Variants in SYT1 observed in about 807,000 individuals in gnomAD.
SYT1 encodes the protein synaptotagmin 1, also known as synaptotagmin-1.
In SYT1, 8 loss-of-function variants were observed where a neutral mutation model predicts 44.8. The ratio of observed to expected loss-of-function variants is 0.18; its 90% CI spans 0.10 to 0.32. The LOEUF (loss-of-function observed/expected upper bound fraction) is 0.32. SYT1 is among the 10% of genes least tolerant of loss of function. The probability of loss-of-function intolerance (pLI) is 1.00; values close to 1 mark genes in which losing one functional copy is unlikely to be tolerated. For synonymous variants in SYT1, 154 were observed against 188.8 expected (o/e 0.82, Z 1.51); for missense variants, 286 against 509.3 (o/e 0.56, Z 4.22).
intron 4 of SYT1, among the ~76,000 whole-genome samples, chr12:79,263,015 A>G (rs1286368262): frequency 1.3e-5 from 2 of 152,220 alleles, no homozygotes; most frequent in Non-Finnish European, 2.9e-5. Flanking sequence ...AACTGAAGTT[A>G]TATTAGCATA....
At chr12:79,265,765 T>G (rs948633652) in intron 4 of SYT1, among the ~76,000 whole-genome samples, 1 of 152,188 alleles carries the variant, frequency 6.6e-6, no homozygotes, top group East Asian at 1.9e-4. Flanking sequence ...TGTGAAAGGG[T>G]CTCAGAAAGT....
At chr12:79,157,678 C>T (rs868356684) in intron 3 of SYT1, among the ~76,000 whole-genome samples, 1 of 152,128 alleles carries the variant, frequency 6.6e-6, no homozygotes, top group African/African-American at 2.4e-5. Context: ...AGGATATTGT[C>T]ACTGCCAGTG....
In SYT1 at chr12:79,044,864, C is replaced by A. The variant is rs546109459; in HGVS notation, c.-83-2433C>A. Among the ~76,000 whole-genome samples, 9 of 152,138 alleles carry A rather than the reference C, an allele frequency of 5.9e-5. No individual in the cohort carries two copies. The South Asian group carries it at 1.7e-3, about 28-fold the overall frequency. On this transcript the variant is annotated intron_variant, in intron 2 of 10. Coordinates refer to ENST00000261205, the MANE Select transcript of SYT1 (RefSeq NM_005639.3). ...TTCTAACAGACAGGACCCTCAGCTG[C>A]AGGTCTGTTGGAGTACGCTGCCGTG...
At chr12:79,423,693 A>G (rs1395669735) in intron 9 of SYT1, among the ~76,000 whole-genome samples, 2 of 152,100 alleles carry the variant, frequency 1.3e-5, no homozygotes, top group Non-Finnish European at 2.9e-5. Flanking sequence ...CCTCAGATCT[A>G]AGAAACCCAT....
intron 4 of SYT1, among the ~76,000 whole-genome samples, chr12:79,233,206 A>G (rs900034675): frequency 2.0e-5 from 3 of 152,090 alleles, no homozygotes; most frequent in African/African-American, 4.8e-5. Context: ...GTTTATTCCA[A>G]GTGGAGATCA....
At chr12:79,282,100 A>G (rs1381305779) in intron 4 of SYT1, among the ~76,000 whole-genome samples, 1 of 152,100 alleles carries the variant, frequency 6.6e-6, no homozygotes, top group Non-Finnish European at 1.5e-5. Context: ...TCTTTCACTT[A>G]TAAAAACTCT....
chr12:79,312,223 A>T (rs1399452664), intron 8 of SYT1, among the ~76,000 whole-genome samples: 2 of 152,132 alleles, frequency 1.3e-5, no homozygotes, highest in African/African-American at 2.4e-5. Context: ...TTATTATTAA[A>T]TCGATTTGTA....
At chr12:79,157,051 G>C (rs1316934421) in intron 3 of SYT1, among the ~76,000 whole-genome samples, 1 of 152,134 alleles carries the variant, frequency 6.6e-6, no homozygotes, top group African/African-American at 2.4e-5. Context: ...AGGGTGAGGT[G>C]CAGAGAAGAG....
intron 2 of SYT1, among the ~76,000 whole-genome samples, chr12:78,993,834 A>T (rs966795488): frequency 3.3e-5 from 5 of 152,204 alleles, no homozygotes; most frequent in African/African-American, 9.6e-5. Flanking sequence ...TTCAGCTGGT[A>T]TTAGAAGCAG....
intron 3 of SYT1, among the ~76,000 whole-genome samples, chr12:79,048,724 A>G (rs781342743): frequency 2.6e-5 from 4 of 151,972 alleles, no homozygotes; most frequent in Non-Finnish European, 5.9e-5. Flanking sequence ...GCATGTTTAC[A>G]TAGTTCTGGG....
chr12:79,352,138 T>C (rs909248244), intron 8 of SYT1, among the ~76,000 whole-genome samples: 4 of 148,948 alleles, frequency 2.7e-5, no homozygotes, highest in African/African-American at 5.0e-5. Context: ...CTCTCAATTA[T>C]AGAAAAATTA....
At chr12:79,127,036 G>A (rs11112882) in intron 3 of SYT1, among the ~76,000 whole-genome samples, 22,523 of 152,118 alleles carry the variant, frequency 0.15, 1,736 homozygotes, top group South Asian at 0.19. Context: ...TCAGCATCTA[G>A]TCTATTGTCT....
At chr12:79,243,379 A>G (rs1340000187) in intron 4 of SYT1, among the ~76,000 whole-genome samples, 1 of 152,204 alleles carries the variant, frequency 6.6e-6, no homozygotes, top group Non-Finnish European at 1.5e-5. Flanking sequence ...AGTACAGGGC[A>G]TATTTTTCAC....
chr12:79,303,663 G>A (rs1446893964), intron 8 of SYT1, among the ~76,000 whole-genome samples: 1 of 152,048 alleles, frequency 6.6e-6, no homozygotes, highest in East Asian at 1.9e-4. Flanking sequence ...TGCTTTAATG[G>A]AAAATCAATT....
rs1412900351 is a variant in SYT1, at chr12:79,308,591, GAAGAAAGAAAGAAAGAAAGAAA to G, written c.810+9063_810+9084del. 3.8e-3 allele frequency among the ~76,000 whole-genome samples: 417 copies of G among 110,514 alleles called. 3 individuals are homozygous for G. The highest frequency in any genetic ancestry group is 6.0e-3 in the East Asian group (17 of 2,818). The allele number at this position is 110,514 out of a possible 152,430, so 72.5% of individuals were successfully genotyped here. On this transcript the variant is annotated intron_variant, in intron 8 of 10. Coordinates refer to ENST00000261205, the MANE Select transcript of SYT1 (RefSeq NM_005639.3). ...AAAGAAAGAAAAGAAGGAAAAGAAA[GAAGAAAGAAAGAAAGAAAGAAA>G]AAGAAAGAAAGAAAGAAAGAAAGAA...
chr12:78,985,359 T>C (rs994236873), intron 2 of SYT1, among the ~76,000 whole-genome samples: 2 of 151,954 alleles, frequency 1.3e-5, no homozygotes, highest in Non-Finnish European at 2.9e-5. Context: ...TATTTAACTG[T>C]AAGCAAGGGA....
intron 1 of SYT1, among the ~76,000 whole-genome samples, chr12:78,926,315 T>C (rs978202797): frequency 6.6e-6 from 1 of 152,140 alleles, no homozygotes; most frequent in Admixed American, 6.6e-5. Flanking sequence ...TGGAAATGTC[T>C]GACATTGCTG....
intron 4 of SYT1, among the ~76,000 whole-genome samples, chr12:79,264,345 A>G (rs1255377880): frequency 1.3e-5 from 2 of 152,054 alleles, no homozygotes; most frequent in African/African-American, 4.8e-5. Flanking sequence ...ACACCTGGCT[A>G]ATTTTTTGTA....
chr12:79,349,657 T>G (rs1882802928), intron 8 of SYT1, among the ~76,000 whole-genome samples: 1 of 152,184 alleles, frequency 6.6e-6, no homozygotes. Flanking sequence ...GGATATGACT[T>G]GGGTATCTTC....
Sources: gnomAD v4.1 joint callset for allele counts (sites outside exome capture counted in the v4.1 genomes callset) on GRCh38, gnomAD v4.1.1 for gene constraint, MANE v1.5 for transcripts, NCBI Gene and HGNC (gene_info 2026-07-23, HGNC 2026-07-21) for gene names.